Variants in COPS3 observed in about 807,000 individuals in gnomAD.
The protein encoded by COPS3 is COP9 signalosome complex subunit 3.
A neutral mutation model predicts 58.2 loss-of-function variants in COPS3; 10 were observed. The ratio of observed to expected loss-of-function variants is 0.17; its 90% CI spans 0.11 to 0.29. COPS3 has a LOEUF of 0.29. Ranked by LOEUF, COPS3 falls within the 10% of genes least tolerant of loss-of-function variation. The pLI, the probability that COPS3 is intolerant of heterozygous loss-of-function variation, is 1.00. For synonymous variants in COPS3, 187 were observed against 181.7 expected (o/e 1.03, Z -0.24); for missense variants, 333 against 510.1 (o/e 0.65, Z 3.34).
At position 17,249,922 on chromosome 17, in the gene COPS3, C is replaced by A. The variant is rs79192331; in HGVS notation, c.1024-883G>T. ...GGATTACAGGCATGGGCCACCACAT[C>A]TGGCCTACCTTTTTAAAGTGAGCAA... On this transcript the variant is annotated intron_variant, in intron 9 of 11. Transcript: ENST00000268717. Among the ~76,000 whole-genome samples the A allele has an allele frequency of 6.8e-3, 1,042 of 152,330 alleles. 13 individuals carry two copies. Among genetic ancestry groups the A allele is most frequent in the African/African-American group, 0.024 (1,012 of 41,570 alleles).
At position 17,247,012 on chromosome 17, in the gene COPS3, G is replaced by A. The variant is rs984517769; in HGVS notation, c.*86C>T. 1 of 1,181,710 alleles carries A rather than the reference G, an allele frequency of 8.5e-7. No individual in the cohort carries two copies. The highest frequency in any genetic ancestry group is 1.3e-6 in the Non-Finnish European group (1 of 785,720). The allele number at this position is 1,181,710 out of a possible 1,614,324, so 73.2% of individuals were successfully genotyped here. The stretch of plus-strand genomic sequence containing the variant: ...AATTTCTTAGTCTCCAGGTGACACA[G>A]GCTTGGTCCTCTCTGCTGCCCTCCG... On this transcript the variant is annotated 3_prime_UTR_variant, in exon 12 of 12. Transcript: ENST00000268717.
chr17:17,251,023 C>CGAAAAAA (rs755707724), intron 9 of COPS3, among the ~76,000 whole-genome samples: 2 of 152,192 alleles, frequency 1.3e-5, no homozygotes, highest in Non-Finnish European at 2.9e-5. Context: ...AGACAAGAGT[C>CGAAAAAA]TTGCACTGTT....
At chr17:17,263,243 G>C (rs1285473998) in intron 6 of COPS3, among the ~76,000 whole-genome samples, 2 of 149,756 alleles carry the variant, frequency 1.3e-5, no homozygotes, top group African/African-American at 4.9e-5. Flanking sequence ...AGCCGAGATC[G>C]TGCCACTGCA....
chr17:17,263,784 G>A (rs2048163709), intron 6 of COPS3, among the ~76,000 whole-genome samples: 1 of 152,176 alleles, frequency 6.6e-6, no homozygotes, highest in Non-Finnish European at 1.5e-5. Flanking sequence ...AAAGTGCTGG[G>A]ATTACAGGCG....
Position 17,276,042 on chromosome 17 carries a change from C to G in COPS3, c.178G>C (p.Ala60Pro), listed in dbSNP as rs1211876298. The change falls in exon 2 of 12, where the codon GCT becomes CCT. Residue 60 changes from alanine (A) to proline (P), a missense_variant. Physicochemically the swap from Ala to Pro is conservative, Grantham distance 27. Coordinates refer to ENST00000268717, the MANE Select transcript of COPS3 (RefSeq NM_003653.4). ...AAAGAAGATGCTCCTTACAAAACAG[C>G]AAGGACGCCCAAGGAGTGTTCTTGT... ...DVQEHSLGVLAVLFVKFSMPS... is the reference protein window; with the variant it reads ...DVQEHSLGVLPVLFVKFSMPS... 1.2e-6 allele frequency: 2 copies of G among 1,613,326 alleles called. No homozygotes were observed. The highest frequency in any genetic ancestry group is 1.7e-6 in the Non-Finnish European group (2 of 1,179,476).
At chr17:17,249,501 G>GT (rs555674182) in intron 9 of COPS3, among the ~76,000 whole-genome samples, 12 of 150,772 alleles carry the variant, frequency 8.0e-5, no homozygotes, top group South Asian at 2.1e-4. Context: ...TTTTTTTGTT[G>GT]TTTTTTTTGA....
chr17:17,251,785 G>A (rs1159728663), intron 9 of COPS3, among the ~76,000 whole-genome samples: 1 of 152,004 alleles, frequency 6.6e-6, no homozygotes, highest in Non-Finnish European at 1.5e-5. Flanking sequence ...AAAATAGGAT[G>A]TTAGAAGTCA....
chr17:17,273,499 C>T (rs1041300266), intron 2 of COPS3, among the ~76,000 whole-genome samples: 1 of 152,056 alleles, frequency 6.6e-6, no homozygotes, highest in African/African-American at 2.4e-5. Flanking sequence ...AATCCTAGCA[C>T]TTTGGGAGGC....
intron 8 of COPS3, chr17:17,255,176 T>C (rs919561780): frequency 9.2e-5 from 28 of 305,686 alleles, no homozygotes; most frequent in Non-Finnish European, 1.6e-4. Flanking sequence ...GGTGCACGCC[T>C]GTAGTCCCAG....
chr17:17,264,715 T>A, intron 6 of COPS3, 87 bp downstream of exon 6: 2 of 1,137,418 alleles, frequency 1.8e-6, no homozygotes, highest in Non-Finnish European at 2.5e-6. Context: ...GGCCCTGGGA[T>A]CAGACCACTC....
chr17:17,247,360 C>T (rs954272579), intron 11 of COPS3, 120 bp downstream of exon 11: 22 of 1,022,552 alleles, frequency 2.2e-5, no homozygotes, highest in East Asian at 1.7e-4. Flanking sequence ...TCTCCATGAC[C>T]GTACTGGTAA....
At chr17:17,264,776 C>A (rs1381837549) in intron 6 of COPS3, 26 bp downstream of exon 6, 1 of 1,586,776 alleles carries the variant, frequency 6.3e-7, no homozygotes, top group East Asian at 2.2e-5. Flanking sequence ...TTCAGAACAA[C>A]CTCAGCTAAT....
chr17:17,271,844 A>C (rs551435939), intron 2 of COPS3, among the ~76,000 whole-genome samples: 35 of 142,090 alleles, frequency 2.5e-4, no homozygotes, highest in Middle Eastern at 7.4e-3. Flanking sequence ...ATATATCTAT[A>C]TATATATATA....
At chr17:17,267,216 T>C (rs1295626772) in intron 5 of COPS3, among the ~76,000 whole-genome samples, 6 of 150,316 alleles carry the variant, frequency 4.0e-5, no homozygotes, top group Non-Finnish European at 8.9e-5. Flanking sequence ...CGGGCGCCTG[T>C]AGTCCCAGCT....
chr17:17,261,577 A>C, intron 7 of COPS3: 1 of 349,140 alleles, frequency 2.9e-6, no homozygotes, highest in Non-Finnish European at 5.5e-6. Context: ...AACAAAATAA[A>C]GGCCAGGCTC....
intron 2 of COPS3, among the ~76,000 whole-genome samples, chr17:17,273,425 C>A (rs75049944): frequency 6.6e-6 from 1 of 152,088 alleles, no homozygotes; most frequent in East Asian, 1.9e-4. Flanking sequence ...GTAAGGATTT[C>A]TACTGTCTGT....
rs148936216 is a variant in COPS3 at position 17,248,980 on chromosome 17, A to C, written c.1083T>G (p.His361Gln). 1.2e-6 allele frequency: 2 copies of C among 1,612,100 alleles called. No individual in the cohort carries two copies. Among genetic ancestry groups the C allele is most frequent in the Non-Finnish European group, 1.7e-6 (2 of 1,179,384 alleles). The change falls in exon 10 of 12, where the codon CAT becomes CAG. Residue 361 changes from histidine (H) to glutamine (Q), a missense_variant. Physicochemically the swap from His to Gln is conservative, Grantham distance 24 (BLOSUM62 0). Coordinates refer to ENST00000268717, the MANE Select transcript of COPS3 (RefSeq NM_003653.4). The part of the protein sequence containing the change: ...INQKDGMVSF[H>Q]DNPEKYNNPA... ...GGTTATTATATTTTTCAGGGTTATC[A>C]TGGAAACTGACCATACCGTCCTTCT...
chr17:17,268,225 A>G (rs556638822), intron 4 of COPS3, among the ~76,000 whole-genome samples: 49 of 152,348 alleles, frequency 3.2e-4, no homozygotes, highest in African/African-American at 1.1e-3. Flanking sequence ...TATTTTTACA[A>G]TGAAGATCAA....
intron 9 of COPS3, among the ~76,000 whole-genome samples, chr17:17,252,555 C>A (rs936384390): frequency 3.3e-5 from 5 of 152,196 alleles, no homozygotes; most frequent in Non-Finnish European, 7.3e-5. Context: ...AAACTGCTTC[C>A]AGACGTTGCC....
Sources: allele counts gnomAD v4.1 joint callset (sites outside exome capture counted in the v4.1 genomes callset), GRCh38; gene constraint gnomAD v4.1.1; transcripts MANE v1.5; gene names NCBI Gene and HGNC (gene_info 2026-07-23, HGNC 2026-07-21).